Variants in DCUN1D4 observed in about 807,000 individuals in gnomAD.
The protein encoded by DCUN1D4 is defective in cullin neddylation 1 domain containing 4.
DCUN1D4 carries 22 observed loss-of-function variants against 47.9 expected under a neutral mutation model. That is an observed-to-expected ratio of 0.46 (90% CI 0.33 to 0.66). DCUN1D4 has a LOEUF of 0.66. Among genes scored for constraint, DCUN1D4 ranks in the 30% least tolerant of loss-of-function variants. The pLI, the probability that DCUN1D4 is intolerant of heterozygous loss-of-function variation, is 0.02. For synonymous variants in DCUN1D4, 121 were observed against 112.2 expected (o/e 1.08, Z -0.50); for missense variants, 301 against 340.8 (o/e 0.88, Z 0.92).
chr4:51,840,656 C>T (rs1721605693), upstream of DCUN1D4, among the ~76,000 whole-genome samples: 1 of 152,096 alleles, frequency 6.6e-6, no homozygotes, highest in Non-Finnish European at 1.5e-5. Context: ...TAACCAGTGC[C>T]TACCACAATA....
At chr4:51,846,777 G>A (rs1722616182) in intron 1 of DCUN1D4, among the ~76,000 whole-genome samples, 1 of 152,174 alleles carries the variant, frequency 6.6e-6, no homozygotes, top group Non-Finnish European at 1.5e-5. Flanking sequence ...TAAAGCTGGT[G>A]CAGTGGCTTA....
intron 7 of DCUN1D4, among the ~76,000 whole-genome samples, chr4:51,898,332 G>A (rs966967576): frequency 3.3e-5 from 5 of 152,154 alleles, no homozygotes; most frequent in African/African-American, 1.2e-4. Flanking sequence ...ATAGTCAGGG[G>A]AGTGTAAGAA....
chr4:51,845,059 T>A (rs778539462), intron 1 of DCUN1D4: 93 of 985,372 alleles, frequency 9.4e-5, no homozygotes, highest in Non-Finnish European at 1.1e-4. Flanking sequence ...CCCCTGCATT[T>A]TGTGGCCTTA....
At chr4:51,849,990 T>C (rs1269802474) in intron 1 of DCUN1D4, among the ~76,000 whole-genome samples, 1 of 152,150 alleles carries the variant, frequency 6.6e-6, no homozygotes. Context: ...TTAAGTGTTG[T>C]TGGGTGAATT....
chr4:51,883,346 T>C (rs1051500186), intron 5 of DCUN1D4, among the ~76,000 whole-genome samples: 9 of 152,374 alleles, frequency 5.9e-5, no homozygotes, highest in African/African-American at 1.9e-4. Context: ...TCTTTTTTTT[T>C]ACTGTTTATT....
chr4:51,893,410 TTTTTC>T (rs374096991), intron 7 of DCUN1D4, among the ~76,000 whole-genome samples: 7,977 of 151,606 alleles, frequency 0.053, 703 homozygotes, highest in African/African-American at 0.18. Context: ...CATTGCTTCC[TTTTTC>T]TTTTCTTTTC....
At position 51,861,713 on chromosome 4, in the gene DCUN1D4, A is replaced by G. The variant is rs562525616; in HGVS notation, c.26-1724A>G. ...CTTTTTGTTTTTTTGGGGGCCCAAG[A>G]GTTTAACTTCATATTTTAAGGTGAT... On this transcript the variant is annotated intron_variant, in intron 1 of 10. Coordinates refer to ENST00000334635, the MANE Select transcript of DCUN1D4 (RefSeq NM_001040402.3). Among the ~76,000 whole-genome samples the G allele has an allele frequency of 1.5e-4, 23 of 152,126 alleles. No homozygotes were observed. In the East Asian group the frequency reaches 4.5e-3, roughly 30 times the overall value.
intron 5 of DCUN1D4, among the ~76,000 whole-genome samples, chr4:51,880,674 C>T (rs1409827045): frequency 1.3e-5 from 2 of 152,194 alleles, no homozygotes; most frequent in African/African-American, 4.8e-5. Context: ...AACCCTTCTT[C>T]GCTGGGGGCT....
intron 3 of DCUN1D4, among the ~76,000 whole-genome samples, chr4:51,867,361 G>A (rs1289546706): frequency 1.3e-5 from 2 of 152,224 alleles, no homozygotes; most frequent in African/African-American, 4.8e-5. Flanking sequence ...AGTGGCAAGG[G>A]GTGCGTTTCA....
intron 5 of DCUN1D4, among the ~76,000 whole-genome samples, chr4:51,882,430 T>C (rs148986076): frequency 1.7e-3 from 259 of 152,250 alleles, no homozygotes; most frequent in African/African-American, 6.1e-3. Flanking sequence ...ACCCAAGCCA[T>C]GTGCAGAGGC....
rs1002307509 is a variant in DCUN1D4 at position 51,896,391 on chromosome 4, T to C, written c.507-2879T>C. Among the ~76,000 whole-genome samples the C allele has an allele frequency of 2.6e-5, 4 of 152,306 alleles. No homozygotes were observed. The East Asian group carries it at 7.7e-4, about 29-fold the overall frequency. On this transcript the variant is annotated intron_variant, in intron 7 of 10. Coordinates refer to ENST00000334635, the MANE Select transcript of DCUN1D4 (RefSeq NM_001040402.3). ...TTATCTAAATGAGTGCTTCCTGCTC[T>C]TGAATCTGTTAAAACAAACAACCGC...
intron 4 of DCUN1D4, 86 bp from the exon 5 acceptor site, chr4:51,877,677 G>C (rs1301711649): frequency 8.7e-6 from 7 of 806,250 alleles, no homozygotes; most frequent in Non-Finnish European, 1.4e-5. Flanking sequence ...ATAGATGTCT[G>C]GTTTGGGTAA....
At chr4:51,856,844 ATACCACTGGAAACACTTGCAG>A (rs879296918) in intron 1 of DCUN1D4, among the ~76,000 whole-genome samples, 57 of 152,204 alleles carry the variant, frequency 3.7e-4, no homozygotes, top group Non-Finnish European at 5.9e-4. Context: ...GGTGTTAAAA[ATACCACTGGAAACACTTGCAG>A]AAGATTCCTC....
chr4:51,853,210 T>C (rs1723628879), intron 1 of DCUN1D4, among the ~76,000 whole-genome samples: 1 of 152,182 alleles, frequency 6.6e-6, no homozygotes, highest in South Asian at 2.1e-4. Context: ...AGCCCCTTTT[T>C]TGAGTCCTGC....
At chr4:51,888,326 C>T (rs916124661) in intron 6 of DCUN1D4, among the ~76,000 whole-genome samples, 5 of 152,086 alleles carry the variant, frequency 3.3e-5, no homozygotes, top group African/African-American at 1.2e-4. Context: ...AGAGCACTGA[C>T]GTTGACTCTA....
intron 1 of DCUN1D4, chr4:51,843,616 G>C (rs1721951167): frequency 7.9e-7 from 1 of 1,259,546 alleles, no homozygotes; most frequent in Non-Finnish European, 9.9e-7. Flanking sequence ...GGGCTGTAGC[G>C]GGCAGGGCCG....
chr4:51,913,450 G>C, intron 10 of DCUN1D4, 58 bp downstream of exon 10: 1 of 1,577,230 alleles, frequency 6.3e-7, no homozygotes, highest in South Asian at 1.1e-5. Context: ...ATCCTCATTG[G>C]GAAAAGCCTC....
intron 6 of DCUN1D4, among the ~76,000 whole-genome samples, chr4:51,890,562 T>G (rs934085203): frequency 2.0e-5 from 3 of 152,228 alleles, no homozygotes; most frequent in African/African-American, 7.2e-5. Flanking sequence ...GAATGGACTG[T>G]CCAGAGATAA....
intron 7 of DCUN1D4, among the ~76,000 whole-genome samples, chr4:51,895,978 G>A (rs1731210942): frequency 6.6e-6 from 1 of 152,212 alleles, no homozygotes; most frequent in African/African-American, 2.4e-5. Flanking sequence ...AGATGTGTAC[G>A]TTGAGTGGCC....
Sources: allele counts gnomAD v4.1 joint callset (sites outside exome capture counted in the v4.1 genomes callset), GRCh38; gene constraint gnomAD v4.1.1; transcripts MANE v1.5; gene names NCBI Gene and HGNC (gene_info 2026-07-23, HGNC 2026-07-21).